The following ATP6V0A1 variants were observed in gnomAD, a reference collection of about 807,000 sequenced individuals.
ATP6V0A1 encodes the protein V-type proton ATPase 116 kDa subunit a 1.
ATP6V0A1 carries 43 observed loss-of-function variants against 105.4 expected under a neutral mutation model. The ratio of observed to expected loss-of-function variants is 0.41; its 90% CI spans 0.32 to 0.53. The LOEUF (loss-of-function observed/expected upper bound fraction) is 0.53, where lower values mean the gene tolerates loss of function less well. Ranked by LOEUF, ATP6V0A1 falls within the 20% of genes least tolerant of loss-of-function variation. The pLI is 0.30. For synonymous variants in ATP6V0A1, 362 were observed against 372.8 expected, an observed-to-expected ratio of 0.97 and a Z score of 0.33; for missense variants, 676 against 1,051.1, an observed-to-expected ratio of 0.64 and a Z score of 4.93.
rs1201869248 is a variant in ATP6V0A1, at chr17:42,513,881, G to C, written c.2151G>C (p.Met717Ile). 3.1e-6 allele frequency: 5 copies of C among 1,614,084 alleles called. No homozygotes were observed. Among genetic ancestry groups the C allele is most frequent in the Non-Finnish European group, 4.2e-6 (5 of 1,179,980 alleles). Reference protein sequence around the residue: ...EDEVFDFGDTMVHQAIHTIEY... With the variant: ...EDEVFDFGDTIVHQAIHTIEY... ...GACAGTTTGACTTTGGGGACACCATGGTCCACCAGGCCATCCACACCATCG... is the reference window on the plus strand; with the variant it reads ...GACAGTTTGACTTTGGGGACACCATCGTCCACCAGGCCATCCACACCATCG... The change falls in exon 20 of 22, where the codon ATG becomes ATC. Residue 717 changes from methionine to isoleucine, a missense_variant. Met to Ile is a conservative substitution (Grantham distance 10, BLOSUM62 1). Around this residue, in one of 3 missense-constraint regions of ATP6V0A1, gnomAD observed 435 missense variants for 642.2 expected, o/e 0.68. Coordinates refer to ENST00000343619, the MANE Select transcript of ATP6V0A1 (RefSeq NM_001130021.3).
intron 9 of ATP6V0A1, among the ~76,000 whole-genome samples, chr17:42,484,032 T>G (rs1204806590): frequency 1.3e-5 from 2 of 152,006 alleles, no homozygotes; most frequent in Non-Finnish European, 2.9e-5. Flanking sequence ...CTGAGATAGT[T>G]TTTTTTGTTT....
At chr17:42,475,623 G>C (rs1246226028) in intron 5 of ATP6V0A1, among the ~76,000 whole-genome samples, 1 of 152,088 alleles carries the variant, frequency 6.6e-6, no homozygotes, top group Non-Finnish European at 1.5e-5. Flanking sequence ...CAAAAGATCA[G>C]ACACCCCTGC....
intron 9 of ATP6V0A1, among the ~76,000 whole-genome samples, chr17:42,484,278 C>T (rs980353184): frequency 7.2e-5 from 11 of 151,960 alleles, no homozygotes; most frequent in African/African-American, 2.4e-4. Flanking sequence ...AGGATGATCT[C>T]GATCTCCTGA....
At chr17:42,503,872 AC>A (rs1255620064) in intron 17 of ATP6V0A1, among the ~76,000 whole-genome samples, 8 of 152,370 alleles carry the variant, frequency 5.3e-5, no homozygotes, top group African/African-American at 1.9e-4. Context: ...TGCTTAAAAT[AC>A]ATTTTCAAGT....
intron 17 of ATP6V0A1, among the ~76,000 whole-genome samples, chr17:42,505,584 C>A (rs540744330): frequency 2.6e-5 from 4 of 151,110 alleles, no homozygotes; most frequent in Non-Finnish European, 5.9e-5. Context: ...GTGATCTGCC[C>A]GCTGTGGCCT....
chr17:42,485,140 G>A (rs542598102), intron 9 of ATP6V0A1, among the ~76,000 whole-genome samples: 7 of 152,202 alleles, frequency 4.6e-5, no homozygotes, highest in South Asian at 2.1e-4. Context: ...ATGAGCCACC[G>A]TGCCCAGCCT....
At chr17:42,464,823 T>C (rs1002916955) in intron 2 of ATP6V0A1, among the ~76,000 whole-genome samples, 1 of 152,194 alleles carries the variant, frequency 6.6e-6, no homozygotes, top group Non-Finnish European at 1.5e-5. Context: ...TCTTTGTATT[T>C]TCCCCAGTGC....
chr17:42,499,767 G>A (rs1175276503), intron 15 of ATP6V0A1, among the ~76,000 whole-genome samples: 1 of 149,616 alleles, frequency 6.7e-6, no homozygotes, highest in Non-Finnish European at 1.5e-5. Flanking sequence ...CAGTCGGGGT[G>A]ACAGAGCAAG....
chr17:42,498,900 ATTTG>A lies in ATP6V0A1; in HGVS notation c.1561-20_1561-17del, dbSNP rs1050281675. The A allele has an allele frequency of 2.7e-6, 4 of 1,475,682 alleles. No homozygotes were observed. The Admixed American group carries it at 5.4e-5, about 20-fold the overall frequency. The allele number at this position is 1,475,682 out of a possible 1,614,324, so 91.4% of individuals were successfully genotyped here. On this transcript the variant is annotated intron_variant, in intron 14 of 21. Coordinates refer to ENST00000343619, the MANE Select transcript of ATP6V0A1 (RefSeq NM_001130021.3). ...CCTTTGAGAATTCTTTATAATACCT[ATTTG>A]TTTTCTCGGGTTATGACAGATTTGG...
At chr17:42,471,122 C>CAAAAAAA (rs905509796) in intron 5 of ATP6V0A1, 3 of 132,918 alleles carry the variant, frequency 2.3e-5, no homozygotes, top group East Asian at 2.2e-4. Context: ...GACTCTATCT[C>CAAAAAAA]AAAAAAAAAA....
At chr17:42,506,737 A>G (rs1334254257) in intron 17 of ATP6V0A1, among the ~76,000 whole-genome samples, 4 of 151,984 alleles carry the variant, frequency 2.6e-5, no homozygotes, top group African/African-American at 7.3e-5. Context: ...TTGGGTTTGG[A>G]AAAACTCAAG....
chr17:42,469,910 T>C (rs1439688331), intron 4 of ATP6V0A1, among the ~76,000 whole-genome samples, 180 bp from the exon 5 acceptor site: 2 of 152,096 alleles, frequency 1.3e-5, no homozygotes, highest in Non-Finnish European at 2.9e-5. Context: ...GGAGAGATTA[T>C]TTTAAGCAAA....
chr17:42,482,539 G>C (rs1202281270), intron 8 of ATP6V0A1, among the ~76,000 whole-genome samples: 2 of 151,764 alleles, frequency 1.3e-5, no homozygotes, highest in Non-Finnish European at 2.9e-5. Flanking sequence ...GAATTTCATA[G>C]CTACAGAGAA....
intron 19 of ATP6V0A1, 84 bp downstream of exon 19, chr17:42,508,673 A>G: frequency 1.3e-6 from 2 of 1,574,536 alleles, no homozygotes; most frequent in African/African-American, 1.4e-5. Flanking sequence ...ACCCTGCCAC[A>G]CCCTGGGGCC....
intron 16 of ATP6V0A1, 113 bp downstream of exon 16, chr17:42,501,036 C>A: frequency 8.0e-7 from 1 of 1,245,630 alleles, no homozygotes; most frequent in Non-Finnish European, 1.1e-6. Context: ...AATTCTAGGG[C>A]TTTGCCACAA....
chr17:42,494,848 A>C, intron 12 of ATP6V0A1, 186 bp from the exon 13 acceptor site: 1 of 603,954 alleles, frequency 1.7e-6, no homozygotes, highest in Non-Finnish European at 2.7e-6. Flanking sequence ...TAATAAAAAA[A>C]TAGAGGCCAC....
intron 17 of ATP6V0A1, among the ~76,000 whole-genome samples, chr17:42,503,207 T>C (rs940671651): frequency 6.6e-6 from 1 of 152,190 alleles, no homozygotes; most frequent in Non-Finnish European, 1.5e-5. Context: ...TTTGTGACCA[T>C]GTATTGGATG....
intron 17 of ATP6V0A1, among the ~76,000 whole-genome samples, chr17:42,504,706 A>G (rs1035832597): frequency 6.6e-6 from 1 of 152,214 alleles, no homozygotes; most frequent in African/African-American, 2.4e-5. Flanking sequence ...AAAGTGGCCC[A>G]TAATTTCATG....
At chr17:42,505,004 G>A (rs2091926332) in intron 17 of ATP6V0A1, among the ~76,000 whole-genome samples, 1 of 150,346 alleles carries the variant, frequency 6.7e-6, no homozygotes, top group South Asian at 2.1e-4. Context: ...AAAAGTTAGT[G>A]TATCTTGAAG....
Sources: allele counts gnomAD v4.1 joint callset (sites outside exome capture counted in the v4.1 genomes callset), GRCh38; gene constraint gnomAD v4.1.1; regional missense constraint gnomAD v4.1.1; transcripts MANE v1.5; gene names NCBI Gene and HGNC (gene_info 2026-07-23, HGNC 2026-07-21).